PSD3: variants seen among roughly 807,000 people sequenced by gnomAD.
The protein encoded by PSD3 is PH and SEC7 domain-containing protein 3.
In PSD3, 49 loss-of-function variants were observed where a neutral mutation model predicts 105.5. That is an observed-to-expected ratio of 0.46 (90% CI 0.37 to 0.59). The LOEUF is 0.59. PSD3 is among the 20% of genes least tolerant of loss of function. PSD3 has a pLI of 0.00. For synonymous variants in PSD3, 557 were observed against 457.8 expected, an observed-to-expected ratio of 1.22 and a Z score of -2.77; for missense variants, 1,561 against 1,263.8, an observed-to-expected ratio of 1.24 and a Z score of -3.57.
At chr8:18,808,034 T>C (rs1054486541) in intron 4 of PSD3, among the ~76,000 whole-genome samples, 2 of 152,230 alleles carry the variant, frequency 1.3e-5, no homozygotes, top group Non-Finnish European at 2.9e-5. Context: ...TTATCGACAG[T>C]ATAACCTATA....
At position 18,892,387 on chromosome 8, in the gene PSD3, C is replaced by G. The variant is rs1429160279; in HGVS notation, c.131-19654G>C. On this transcript the variant is annotated intron_variant, in intron 2 of 15. Transcript: ENST00000327040. ...TACAGGCGCCCGCCACCACACCCAG[C>G]TAATTTTTTGTATTTTTAGTAAAGA... is the stretch of plus-strand genomic sequence containing the variant. Among the ~76,000 whole-genome samples the G allele has an allele frequency of 2.0e-5, 3 of 151,538 alleles. No individual in the cohort carries two copies. In the East Asian group the frequency reaches 5.9e-4, roughly 30 times the overall value.
rs577184466 is a variant in PSD3 at position 18,644,028 on chromosome 8, G to A, written c.2217-11222C>T. On this transcript the variant is annotated intron_variant, in intron 10 of 15. Coordinates refer to ENST00000327040, the MANE Select transcript of PSD3 (RefSeq NM_015310.4). Reference sequence around the variant, plus strand: ...AGGGGGCTCTGGTGGAGAGCACCCTGGGCCCATCCCTTGAAACCATTCTGC... The same window carrying A: ...AGGGGGCTCTGGTGGAGAGCACCCTAGGCCCATCCCTTGAAACCATTCTGC... 2.6e-5 allele frequency among the ~76,000 whole-genome samples: 4 copies of A among 152,312 alleles called. No homozygotes were observed. In the East Asian group the frequency reaches 7.7e-4, roughly 29 times the overall value.
chr8:18,841,336 G>A (rs1193519396), intron 4 of PSD3, among the ~76,000 whole-genome samples: 2 of 152,218 alleles, frequency 1.3e-5, no homozygotes, highest in African/African-American at 2.4e-5. Flanking sequence ...CCTTGGGAGT[G>A]CTGGGGAGGC....
intron 8 of PSD3, among the ~76,000 whole-genome samples, chr8:18,771,396 T>C (rs1807516144): frequency 6.6e-6 from 1 of 152,202 alleles, no homozygotes. Flanking sequence ...TTTATTTTCT[T>C]ACTTGTGTAT....
rs1240382273 is a variant in PSD3 at position 19,074,592 on chromosome 8, CAT to C, written c.324+9612_324+9613del. On this transcript the variant is annotated intron_variant, in intron 1 of 1. Coordinates refer to the PSD3 transcript ENST00000521475. ...TATAATTTTACAACTCAGATATATA[CAT>C]ATATATATATATATATATTTTTTTT... is the stretch of plus-strand genomic sequence containing the variant. 3.2e-3 allele frequency among the ~76,000 whole-genome samples: 208 copies of C among 65,994 alleles called. 3 individuals carry two copies. The highest frequency in any genetic ancestry group is 0.011 in the African/African-American group (183 of 16,856). The allele number at this position is 65,994 out of a possible 152,430, so 43.3% of individuals were successfully genotyped here.
At chr8:18,636,906 G>GTA (rs756732342) in intron 10 of PSD3, among the ~76,000 whole-genome samples, 2 of 152,154 alleles carry the variant, frequency 1.3e-5, no homozygotes, top group Non-Finnish European at 2.9e-5. Flanking sequence ...ATGTATGACT[G>GTA]TATATATAAG....
At chr8:18,757,018 C>T (rs1427678148) in intron 9 of PSD3, among the ~76,000 whole-genome samples, 1 of 142,982 alleles carries the variant, frequency 7.0e-6, no homozygotes, top group African/African-American at 2.5e-5. Flanking sequence ...GTGTTTTTAT[C>T]CCATGCCGTA....
chr8:18,954,572 G>T (rs1460737516), intron 1 of PSD3, among the ~76,000 whole-genome samples: 1 of 152,064 alleles, frequency 6.6e-6, no homozygotes, highest in African/African-American at 2.4e-5. Context: ...ACAAAAAAGA[G>T]TTCTGGTCGG....
At chr8:18,920,772 T>C (rs1455343797) in intron 2 of PSD3, among the ~76,000 whole-genome samples, 2 of 152,200 alleles carry the variant, frequency 1.3e-5, no homozygotes, top group Non-Finnish European at 2.9e-5. Context: ...TTGTCTAGCA[T>C]GCCTCATCAC....
chr8:18,748,671 A>T (rs1376513976), intron 9 of PSD3, among the ~76,000 whole-genome samples: 1 of 152,080 alleles, frequency 6.6e-6, no homozygotes, highest in East Asian at 1.9e-4. Flanking sequence ...AAAAAAAAAA[A>T]AAAAAAAAAG....
intron 9 of PSD3, among the ~76,000 whole-genome samples, chr8:18,740,509 CTTA>C (rs1487168763): frequency 6.6e-6 from 1 of 152,148 alleles, no homozygotes; most frequent in African/African-American, 2.4e-5. Context: ...TTATTGCCCT[CTTA>C]TTATTGGCAG....
rs559937017 is a variant in PSD3, at chr8:18,866,161, T to C, written c.1634+1513A>G. The stretch of plus-strand genomic sequence containing the variant: ...ATTTCAGTGCAATTATCTGCATACC[T>C]TTCCTACAGCGTTTTATCACAATTT... On this transcript the variant is annotated intron_variant, in intron 4 of 15. Transcript: ENST00000327040. Among the ~76,000 whole-genome samples the C allele has an allele frequency of 3.9e-5, 6 of 152,302 alleles. No homozygotes were observed. In the East Asian group the frequency reaches 7.7e-4, roughly 20 times the overall value.
chr8:18,687,711 G>T (rs1222995483), intron 9 of PSD3, among the ~76,000 whole-genome samples: 1 of 152,118 alleles, frequency 6.6e-6, no homozygotes, highest in African/African-American at 2.4e-5. Flanking sequence ...GTTTGTGTGT[G>T]TGCGCTTGCC....
At chr8:18,811,925 T>A (rs1811723337) in intron 4 of PSD3, among the ~76,000 whole-genome samples, 1 of 152,178 alleles carries the variant, frequency 6.6e-6, no homozygotes, top group African/African-American at 2.4e-5. Context: ...AAATGCTTAT[T>A]AAGTTTGGAC....
chr8:19,042,046 T>G (rs189753217), intron 1 of PSD3, among the ~76,000 whole-genome samples: 2 of 152,264 alleles, frequency 1.3e-5, no homozygotes, highest in African/African-American at 4.8e-5. Context: ...AAAAAACAAT[T>G]TATCTTTATT....
At chr8:18,938,154 G>A (rs71510633) in intron 1 of PSD3, among the ~76,000 whole-genome samples, 2 of 152,204 alleles carry the variant, frequency 1.3e-5, no homozygotes, top group African/African-American at 4.8e-5. Flanking sequence ...ACTTTTAAAA[G>A]ATCATATGGG....
intron 10 of PSD3, among the ~76,000 whole-genome samples, chr8:18,647,856 T>C (rs1185955365): frequency 2.6e-5 from 4 of 152,078 alleles, no homozygotes; most frequent in Non-Finnish European, 5.9e-5. Flanking sequence ...TCTGGTTGTT[T>C]AAAGGTGTGG....
intron 15 of PSD3, among the ~76,000 whole-genome samples, chr8:18,543,590 C>A (rs373970789): frequency 1.3e-5 from 2 of 151,774 alleles, no homozygotes; most frequent in African/African-American, 4.8e-5. Context: ...TGCACTCCAG[C>A]CTGGGCGACA....
intron 1 of PSD3, among the ~76,000 whole-genome samples, chr8:19,003,755 G>T (rs7814060): frequency 6.6e-6 from 1 of 151,124 alleles, no homozygotes; most frequent in Admixed American, 6.6e-5. Context: ...GGGGTGGGGG[G>T]TTGGGGACTT....
Sources: gnomAD v4.1 joint callset for allele counts (sites outside exome capture counted in the v4.1 genomes callset) on GRCh38, gnomAD v4.1.1 for gene constraint, MANE v1.5 for transcripts, NCBI Gene and HGNC (gene_info 2026-07-23, HGNC 2026-07-21) for gene names.